SLC35E2B: variants seen among roughly 807,000 people sequenced by gnomAD.
SLC35E2B encodes solute carrier family 35 member E2B.
In SLC35E2B, 18 loss-of-function variants were observed where a neutral mutation model predicts 32.4. The ratio of observed to expected loss-of-function variants is 0.56; its 90% CI spans 0.38 to 0.82. SLC35E2B has a LOEUF of 0.82. SLC35E2B is among the 40% of genes least tolerant of loss of function. SLC35E2B has a pLI of 0.00. For synonymous variants in SLC35E2B, 132 were observed against 209.1 expected (o/e 0.63, Z 3.18); for missense variants, 263 against 469.5 (o/e 0.56, Z 4.06).
At chr1:1,671,738 A>G (rs1643699225) in intron 5 of SLC35E2B, 109 bp from the exon 6 acceptor site, 1 of 1,149,218 alleles carries the variant, frequency 8.7e-7, no homozygotes. Context: ...TGCTTCCTTC[A>G]ATTCAAAAAC....
At position 1,669,650 on chromosome 1, in the gene SLC35E2B, T is replaced by C. The variant is rs1346496949; in HGVS notation, c.834+14A>G. 4 of 1,517,534 alleles carry C rather than the reference T, an allele frequency of 2.6e-6. No individual in the cohort carries two copies. The highest frequency in any genetic ancestry group is 2.7e-6 in the Non-Finnish European group (3 of 1,121,492). 94.0% of individuals were successfully genotyped at this position (1,517,534 alleles called of 1,614,324 possible). A position where few individuals can be genotyped will look rare whatever the true frequency, so the allele number is the denominator to read the frequency against. ...CCGGCAAGTAAGGACGGGACGCCTG[T>C]GTCTGAAACCCACCGTAAAGAAAAC... is the stretch of plus-strand genomic sequence containing the variant. On this transcript the variant is annotated intron_variant, in intron 8 of 9. Coordinates refer to ENST00000617444, the MANE Select transcript of SLC35E2B (RefSeq NM_001290264.2).
intron 2 of SLC35E2B, among the ~76,000 whole-genome samples, chr1:1,688,911 C>G (rs1214221714): frequency 6.6e-6 from 1 of 151,724 alleles, no homozygotes; most frequent in African/African-American, 2.4e-5. Flanking sequence ...GTGGCTCAAG[C>G]CTGTAATCCC....
chr1:1,686,832 G>A (rs546483450), intron 2 of SLC35E2B, among the ~76,000 whole-genome samples: 103 of 151,952 alleles, frequency 6.8e-4, no homozygotes, highest in Non-Finnish European at 9.9e-4. Flanking sequence ...CAAGGGGGTC[G>A]GATCATGAGG....
At chr1:1,675,369 G>A (rs1166438496) in intron 5 of SLC35E2B, 94 bp downstream of exon 5, 6 of 815,438 alleles carry the variant, frequency 7.4e-6, no homozygotes, top group Non-Finnish European at 1.2e-5. Context: ...GGTCCTCGCG[G>A]CAGAGCCCCA....
chr1:1,664,540 C>G lies in SLC35E2B; in HGVS notation c.*1242G>C, dbSNP rs1446584039. The G allele has an allele frequency of 1.1e-6, 1 of 912,212 alleles. No homozygotes were observed. The highest frequency in any genetic ancestry group is 1.3e-6 in the Non-Finnish European group (1 of 766,284). 56.5% of individuals were successfully genotyped at this position (912,212 alleles called of 1,614,324 possible). On this transcript the variant is annotated 3_prime_UTR_variant, in exon 10 of 10. Transcript: ENST00000617444. Reference sequence around the variant, plus strand: ...GCTGCGAGATTGGGGGTAAAGAGCTCAGACATGGTCAGAAGCCTCTGCCTA... The same window carrying G: ...GCTGCGAGATTGGGGGTAAAGAGCTGAGACATGGTCAGAAGCCTCTGCCTA...
At chr1:1,685,416 A>AG (rs1471996537) in intron 2 of SLC35E2B, among the ~76,000 whole-genome samples, 6 of 148,320 alleles carry the variant, frequency 4.0e-5, no homozygotes, top group Admixed American at 2.7e-4. Flanking sequence ...TTTTCTCAGA[A>AG]AAAAAAAAAA....
At chr1:1,670,230 C>T (rs1643651618) in intron 6 of SLC35E2B, 79 bp from the exon 7 acceptor site, 7 of 1,074,572 alleles carry the variant, frequency 6.5e-6, no homozygotes, top group Non-Finnish European at 1.4e-6. Context: ...TCTGCGCTCA[C>T]ACGGAGCGAT....
chr1:1,687,753 T>C (rs1345903537), intron 2 of SLC35E2B, among the ~76,000 whole-genome samples: 7 of 140,518 alleles, frequency 5.0e-5, no homozygotes, highest in African/African-American at 1.9e-4. Flanking sequence ...AAAAAAAAGA[T>C]TAATCCTGGC....
rs948479543 is a variant in SLC35E2B, at chr1:1,679,346, T to TC, written c.-147-2501dup. Among the ~76,000 whole-genome samples, 17 of 152,178 alleles carry TC rather than the reference T, an allele frequency of 1.1e-4. No individual in the cohort carries two copies. In the South Asian group the frequency reaches 1.2e-3, roughly 11 times the overall value. Reference sequence around the variant, plus strand: ...GCTTCCCTCTGAGAAACTCACAGCATCCCAGGCAAAACTGCTCCCCGCAAT... The same window carrying TC: ...GCTTCCCTCTGAGAAACTCACAGCATCCCCAGGCAAAACTGCTCCCCGCAAT... On this transcript the variant is annotated intron_variant, in intron 2 of 9. Transcript: ENST00000617444.
chr1:1,674,574 G>A (rs570415700), intron 5 of SLC35E2B, among the ~76,000 whole-genome samples: 7 of 147,998 alleles, frequency 4.7e-5, no homozygotes, highest in African/African-American at 1.5e-4. Flanking sequence ...TCGTGACCTC[G>A]CCACTGCACT....
At chr1:1,673,582 A>T (rs532262389) in intron 5 of SLC35E2B, among the ~76,000 whole-genome samples, 2 of 152,240 alleles carry the variant, frequency 1.3e-5, no homozygotes, top group Non-Finnish European at 2.9e-5. Flanking sequence ...AAGCAGGAGA[A>T]TCACTTGAAC....
At position 1,662,283 on chromosome 1, in the gene SLC35E2B, A is replaced by AATTC; in HGVS notation, c.*3495_*3498dup. The AATTC allele has an allele frequency of 1.2e-6, 1 of 859,464 alleles. No individual in the cohort carries two copies. Among genetic ancestry groups the AATTC allele is most frequent in the East Asian group, 1.2e-4 (1 of 8,214 alleles). The allele number at this position is 859,464 out of a possible 1,614,324, so 53.2% of individuals were successfully genotyped here. ...CATGTTGGTCAAAGGCAAGAGAGAGAATTCTATTTCCATCTGGAATGTCAT... is the reference window on the plus strand; with the variant it reads ...CATGTTGGTCAAAGGCAAGAGAGAGAATTCATTCTATTTCCATCTGGAATGTCAT... On this transcript the variant is annotated 3_prime_UTR_variant, in exon 10 of 10. Coordinates refer to ENST00000617444, the MANE Select transcript of SLC35E2B (RefSeq NM_001290264.2).
At chr1:1,670,586 TA>T (rs1344389236) in intron 6 of SLC35E2B, 1 of 157,622 alleles carries the variant, frequency 6.3e-6, no homozygotes, top group African/African-American at 2.4e-5. Context: ...TATGCCCGAC[TA>T]ATCTTTTGTA....
chr1:1,675,515 G>A lies in SLC35E2B; in HGVS notation c.534C>T (p.Ser178=), dbSNP rs766999633. Residue 178 remains serine (S), a synonymous_variant, in exon 5 of 10, where the codon TCC becomes TCT. Transcript: ENST00000617444. ...ACATGATCACCGTGAAGATGGGGGCGGAGCTCTTCACCGTCTCAGCAAACG... is the reference window on the plus strand; with the variant it reads ...ACATGATCACCGTGAAGATGGGGGCAGAGCTCTTCACCGTCTCAGCAAACG... ...AVSFAETVKS[S]APIFTVIMSR... The A allele has an allele frequency of 2.6e-6, 4 of 1,566,404 alleles. No individual in the cohort carries two copies. The highest frequency in any genetic ancestry group is 1.9e-5 in the Admixed American group (1 of 53,334).
At chr1:1,687,840 A>G in intron 2 of SLC35E2B, among the ~76,000 whole-genome samples, 1 of 151,982 alleles carries the variant, frequency 6.6e-6, no homozygotes, top group Non-Finnish European at 1.5e-5. Context: ...GTTGCAGGGA[A>G]CCAAGATTGC....
chr1:1,667,232 C>T (rs974768166), intron 9 of SLC35E2B, among the ~76,000 whole-genome samples: 34 of 149,516 alleles, frequency 2.3e-4, no homozygotes, highest in Non-Finnish European at 4.6e-4. Flanking sequence ...CGGTGAAACC[C>T]TGTCTCTACT....
At chr1:1,682,383 A>T (rs1264390968) in intron 2 of SLC35E2B, among the ~76,000 whole-genome samples, 2 of 152,124 alleles carry the variant, frequency 1.3e-5, no homozygotes, top group Admixed American at 6.5e-5. Flanking sequence ...ATGCCAACCT[A>T]CGTGCCTGTC....
intron 2 of SLC35E2B, among the ~76,000 whole-genome samples, chr1:1,680,090 G>A (rs1557762259): frequency 6.6e-6 from 1 of 151,784 alleles, no homozygotes; most frequent in Non-Finnish European, 1.5e-5. Flanking sequence ...TCACACCGTT[G>A]TACTCCAGCC....
chr1:1,666,064 C>T, intron 9 of SLC35E2B, 45 bp from the exon 10 acceptor site: 2 of 1,518,668 alleles, frequency 1.3e-6, no homozygotes, highest in Non-Finnish European at 1.8e-6. Flanking sequence ...GGGCTATGGT[C>T]TCCTCAGCCC....
Sources: allele counts gnomAD v4.1 joint callset (sites outside exome capture counted in the v4.1 genomes callset), GRCh38; gene constraint gnomAD v4.1.1; transcripts MANE v1.5; gene names NCBI Gene and HGNC (gene_info 2026-07-23, HGNC 2026-07-21).